Variants in RORA observed in about 807,000 individuals in gnomAD.
The protein encoded by RORA is RAR related orphan receptor A, also known as nuclear receptor ROR-alpha.
In RORA, 7 loss-of-function variants were observed where a neutral mutation model predicts 69.5. The observed-to-expected ratio is 0.10, with a 90% CI of 0.06 to 0.19. The LOEUF is 0.19. RORA is among the 10% of genes least tolerant of loss of function. RORA has a pLI of 1.00. For missense variants in RORA, 457 were observed against 663.0 expected, an observed-to-expected ratio of 0.69 and a Z score of 3.41; for synonymous variants, 261 against 240.8, an observed-to-expected ratio of 1.08 and a Z score of -0.78.
At chr15:60,692,515 G>A (rs142841255) in intron 1 of RORA, among the ~76,000 whole-genome samples, 80 of 152,316 alleles carry the variant, frequency 5.3e-4, no homozygotes, top group African/African-American at 1.8e-3. Flanking sequence ...GGGAGAATGT[G>A]AGAGCACTGG....
chr15:61,214,954 T>C (rs902291233), intron 1 of RORA, among the ~76,000 whole-genome samples: 2 of 139,458 alleles, frequency 1.4e-5, no homozygotes, highest in Admixed American at 1.6e-4. Flanking sequence ...AAGCTCCGCC[T>C]CCTGGGTTCA....
intron 1 of RORA, among the ~76,000 whole-genome samples, chr15:61,001,851 G>T (rs1894757027): frequency 2.6e-5 from 4 of 152,228 alleles, no homozygotes; most frequent in Admixed American, 2.6e-4. Flanking sequence ...CTGAGGAAGG[G>T]GCATTTAAAC....
chr15:60,643,222 G>C (rs75120204), intron 2 of RORA, among the ~76,000 whole-genome samples: 1 of 152,040 alleles, frequency 6.6e-6, no homozygotes, highest in Non-Finnish European at 1.5e-5. Flanking sequence ...ATCTTTTTAT[G>C]TATTCTATGT....
chr15:60,952,284 C>T (rs1045028099), intron 1 of RORA, among the ~76,000 whole-genome samples: 30 of 152,116 alleles, frequency 2.0e-4, no homozygotes, highest in Middle Eastern at 3.4e-3. Flanking sequence ...ATTGATGGGA[C>T]GTATTTCAAA....
intron 1 of RORA, among the ~76,000 whole-genome samples, chr15:60,770,881 C>G (rs1371883491): frequency 6.6e-6 from 1 of 152,118 alleles, no homozygotes; most frequent in East Asian, 1.9e-4. Flanking sequence ...TTCAAGAACT[C>G]CACAGTTAAG....
intron 1 of RORA, among the ~76,000 whole-genome samples, chr15:60,986,337 T>A (rs1013142259): frequency 1.4e-4 from 21 of 152,334 alleles, no homozygotes; most frequent in Admixed American, 3.9e-4. Flanking sequence ...TTTTACCATG[T>A]TGGCCAAGCT....
intron 1 of RORA, among the ~76,000 whole-genome samples, chr15:61,145,126 CT>C (rs1448483767): frequency 6.6e-6 from 1 of 152,098 alleles, no homozygotes; most frequent in African/African-American, 2.4e-5. Flanking sequence ...AAACTTACTT[CT>C]CTATACAGGA....
intron 1 of RORA, among the ~76,000 whole-genome samples, chr15:61,078,254 C>T (rs897298444): frequency 2.0e-5 from 3 of 152,136 alleles, no homozygotes; most frequent in Non-Finnish European, 4.4e-5. Context: ...ACCTCTGCCT[C>T]TCAGGTTCAA....
intron 2 of RORA, chr15:60,545,245 G>A (rs1424230349): frequency 6.6e-6 from 1 of 152,170 alleles, no homozygotes; most frequent in Non-Finnish European, 1.5e-5. Flanking sequence ...GAATATTTGG[G>A]GGGTTCATAA....
intron 1 of RORA, among the ~76,000 whole-genome samples, chr15:61,020,456 T>C (rs1329710918): frequency 6.6e-6 from 1 of 152,220 alleles, no homozygotes; most frequent in Non-Finnish European, 1.5e-5. Flanking sequence ...GGGCAGTGAC[T>C]CAATACTTTT....
At chr15:60,532,390 C>T (rs1348548052) in intron 2 of RORA, among the ~76,000 whole-genome samples, 1 of 152,068 alleles carries the variant, frequency 6.6e-6, no homozygotes, top group South Asian at 2.1e-4. Context: ...AAAATTAGTC[C>T]ATTTGTGTAC....
At position 60,888,459 on chromosome 15, in the gene RORA, C is replaced by G. The variant is rs562425822; in HGVS notation, c.167-209773G>C. 2.6e-5 allele frequency among the ~76,000 whole-genome samples: 4 copies of G among 152,300 alleles called. No homozygotes were observed. In the South Asian group the frequency reaches 8.3e-4, roughly 32 times the overall value. On this transcript the variant is annotated intron_variant, in intron 1 of 10. Transcript: ENST00000335670. ...AAGGGAGAGGAAGATTACGTGTGCA[C>G]ATGCACACACACACACACGCACATA...
chr15:60,890,820 G>A (rs185408924), intron 1 of RORA, among the ~76,000 whole-genome samples: 34 of 152,294 alleles, frequency 2.2e-4, no homozygotes, highest in Non-Finnish European at 4.4e-4. Flanking sequence ...AATGCTTGCC[G>A]TGGTAATTCC....
chr15:61,109,189 C>T (rs2078979889), intron 1 of RORA, among the ~76,000 whole-genome samples: 1 of 152,034 alleles, frequency 6.6e-6, no homozygotes, highest in African/African-American at 2.4e-5. Context: ...AGCAAGACTT[C>T]CTCTCAAAAA....
intron 1 of RORA, among the ~76,000 whole-genome samples, chr15:61,102,642 T>C (rs2078895841): frequency 6.6e-6 from 1 of 152,248 alleles, no homozygotes; most frequent in Admixed American, 6.5e-5. Context: ...TACCCACAAC[T>C]TCCTGGTTCT....
At chr15:60,776,089 G>C (rs1360335762) in intron 1 of RORA, among the ~76,000 whole-genome samples, 1 of 152,200 alleles carries the variant, frequency 6.6e-6, no homozygotes, top group African/African-American at 2.4e-5. Flanking sequence ...TTGTTGAAGG[G>C]AAGGTATTTT....
chr15:60,560,814 C>T (rs577971205), intron 2 of RORA, among the ~76,000 whole-genome samples: 107 of 152,194 alleles, frequency 7.0e-4, no homozygotes, highest in African/African-American at 2.3e-3. Context: ...TGTAATTTTA[C>T]GCTAAATTTT....
At chr15:60,999,639 A>G (rs1894684163) in intron 1 of RORA, among the ~76,000 whole-genome samples, 1 of 152,112 alleles carries the variant, frequency 6.6e-6, no homozygotes, top group African/African-American at 2.4e-5. Flanking sequence ...CGGCCTTATC[A>G]AGACTTCCTG....
intron 1 of RORA, among the ~76,000 whole-genome samples, chr15:60,728,040 C>T (rs1411302910): frequency 1.3e-5 from 2 of 152,156 alleles, no homozygotes; most frequent in Non-Finnish European, 2.9e-5. Flanking sequence ...AAACACTGAG[C>T]CTAGTATTTT....
Sources: gnomAD v4.1 joint callset for allele counts (sites outside exome capture counted in the v4.1 genomes callset) on GRCh38, gnomAD v4.1.1 for gene constraint, MANE v1.5 for transcripts, NCBI Gene and HGNC (gene_info 2026-07-23, HGNC 2026-07-21) for gene names.